Variants in GTF2E2 observed in about 807,000 individuals in gnomAD.
The protein encoded by GTF2E2 is transcription initiation factor IIE subunit beta.
In GTF2E2, 21 loss-of-function variants were observed where a neutral mutation model predicts 40.5. That is an observed-to-expected ratio of 0.52 (90% CI 0.37 to 0.75). GTF2E2 has a LOEUF of 0.75. Ranked by LOEUF, GTF2E2 falls within the 30% of genes least tolerant of loss-of-function variation. GTF2E2 has a pLI of 0.00. For missense variants in GTF2E2, 298 were observed against 338.4 expected (o/e 0.88, Z 0.94); for synonymous variants, 117 against 121.6 (o/e 0.96, Z 0.25).
intron 6 of GTF2E2, among the ~76,000 whole-genome samples, chr8:30,599,993 A>C (rs569106184): frequency 1.3e-5 from 2 of 152,296 alleles, no homozygotes; most frequent in African/African-American, 4.8e-5. Flanking sequence ...AAAAATAAAT[A>C]AATAAATAAT....
intron 6 of GTF2E2, among the ~76,000 whole-genome samples, chr8:30,590,255 G>C (rs772300292): frequency 1.3e-5 from 2 of 152,160 alleles, no homozygotes; most frequent in African/African-American, 4.8e-5. Context: ...CATGTTGTTG[G>C]AATGTCAGTC....
In GTF2E2 at chr8:30,642,348, A is replaced by G. The variant is rs1379131025; in HGVS notation, c.167-7225T>C. Among the ~76,000 whole-genome samples the G allele has an allele frequency of 1.8e-4, 27 of 151,826 alleles. No homozygotes were observed. The East Asian group carries it at 5.2e-3, about 29-fold the overall frequency. On this transcript the variant is annotated intron_variant, in intron 2 of 7. Coordinates refer to ENST00000355904, the MANE Select transcript of GTF2E2 (RefSeq NM_002095.6). ...AAGAATGGTTACTCCATACTACTCCATAAGCAGGAATAAAAGAATGGTTAC... is the reference window on the plus strand; with the variant it reads ...AAGAATGGTTACTCCATACTACTCCGTAAGCAGGAATAAAAGAATGGTTAC...
intron 7 of GTF2E2, 36 bp from the exon 8 acceptor site, chr8:30,579,073 C>G (rs1313377080): frequency 9.3e-7 from 1 of 1,074,334 alleles, no homozygotes; most frequent in Non-Finnish European, 1.5e-6. Flanking sequence ...GAAACAACAG[C>G]TGCTCTGAGG....
At chr8:30,622,672 C>A (rs1563493697) in intron 3 of GTF2E2, among the ~76,000 whole-genome samples, 1 of 152,158 alleles carries the variant, frequency 6.6e-6, no homozygotes, top group East Asian at 1.9e-4. Flanking sequence ...TACAGCTCGA[C>A]CATAGAAGAT....
At chr8:30,650,325 A>G (rs1802229362) in intron 2 of GTF2E2, among the ~76,000 whole-genome samples, 1 of 152,182 alleles carries the variant, frequency 6.6e-6, no homozygotes, top group South Asian at 2.1e-4. Flanking sequence ...TTAATAGACT[A>G]AAGAGTGAGA....
At chr8:30,586,842 T>C (rs1828701286) in intron 6 of GTF2E2, among the ~76,000 whole-genome samples, 1 of 152,176 alleles carries the variant, frequency 6.6e-6, no homozygotes, top group Non-Finnish European at 1.5e-5. Context: ...TCTCACACCA[T>C]ATAGAAAAAT....
At chr8:30,613,465 G>A (rs995121643) in intron 4 of GTF2E2, among the ~76,000 whole-genome samples, 1 of 152,172 alleles carries the variant, frequency 6.6e-6, no homozygotes, top group African/African-American at 2.4e-5. Context: ...ATTTTCTTCT[G>A]CAGCTGCCAG....
intron 6 of GTF2E2, among the ~76,000 whole-genome samples, chr8:30,583,728 T>C (rs1390369065): frequency 6.6e-6 from 1 of 152,224 alleles, no homozygotes; most frequent in Admixed American, 6.5e-5. Flanking sequence ...TGGATATTAC[T>C]GTACAGATTT....
Position 30,590,700 on chromosome 8 carries a change from T to C in GTF2E2, c.644-10304A>G, listed in dbSNP as rs528796698. On this transcript the variant is annotated intron_variant, in intron 6 of 7. Coordinates refer to ENST00000355904, the MANE Select transcript of GTF2E2 (RefSeq NM_002095.6). Reference sequence around the variant, plus strand: ...ACTTGATTGAAATCAAAAACTTTTTTTTTTTTTTGAGACAGAGTTGCACTC... The same window carrying C: ...ACTTGATTGAAATCAAAAACTTTTTCTTTTTTTTGAGACAGAGTTGCACTC... Among the ~76,000 whole-genome samples the C allele has an allele frequency of 2.0e-5, 3 of 152,142 alleles. No individual in the cohort carries two copies. In the East Asian group the frequency reaches 5.8e-4, roughly 29 times the overall value.
At chr8:30,613,917 C>T (rs897486157) in intron 4 of GTF2E2, among the ~76,000 whole-genome samples, 2 of 152,194 alleles carry the variant, frequency 1.3e-5, no homozygotes, top group Admixed American at 1.3e-4. Context: ...TGTTCATACA[C>T]AGCATTCGCG....
At chr8:30,595,082 A>C (rs1475030309) in intron 6 of GTF2E2, among the ~76,000 whole-genome samples, 1 of 152,068 alleles carries the variant, frequency 6.6e-6, no homozygotes, top group African/African-American at 2.4e-5. Flanking sequence ...TTTTATCTCC[A>C]CTATTGGCTT....
chr8:30,614,383 C>T (rs1253346848), intron 4 of GTF2E2, among the ~76,000 whole-genome samples: 1 of 152,118 alleles, frequency 6.6e-6, no homozygotes, highest in Non-Finnish European at 1.5e-5. Context: ...AGTTCAACAC[C>T]AGCCTGGCCA....
chr8:30,613,436 A>G (rs1399425590), intron 4 of GTF2E2, among the ~76,000 whole-genome samples: 2 of 152,242 alleles, frequency 1.3e-5, no homozygotes, highest in South Asian at 2.1e-4. Flanking sequence ...AAAGCTCTTC[A>G]AAAAGAGCAA....
At chr8:30,626,027 A>G (rs948488038) in intron 3 of GTF2E2, among the ~76,000 whole-genome samples, 1 of 152,138 alleles carries the variant, frequency 6.6e-6, no homozygotes, top group African/African-American at 2.4e-5. Context: ...ACATCCTCCA[A>G]CCTTCCTTCA....
chr8:30,646,172 A>G (rs1324171319), intron 2 of GTF2E2: 2 of 152,282 alleles, frequency 1.3e-5, no homozygotes, highest in Non-Finnish European at 2.9e-5. Flanking sequence ...TATTTGCACA[A>G]AATTCTCACA....
At chr8:30,643,821 A>G (rs538510933) in intron 2 of GTF2E2, 1 of 152,262 alleles carries the variant, frequency 6.6e-6, no homozygotes, top group South Asian at 2.1e-4. Flanking sequence ...AAGAAAAAAA[A>G]AAAAGTACAT....
chr8:30,589,607 T>A (rs1252842242), intron 6 of GTF2E2, among the ~76,000 whole-genome samples: 2 of 152,230 alleles, frequency 1.3e-5, no homozygotes, highest in Non-Finnish European at 2.9e-5. Context: ...GGCAGGATTA[T>A]AAAGACAAGT....
intron 6 of GTF2E2, among the ~76,000 whole-genome samples, chr8:30,604,484 C>A (rs1829266158): frequency 6.6e-6 from 1 of 152,190 alleles, no homozygotes; most frequent in East Asian, 1.9e-4. Flanking sequence ...ACATTTGCTT[C>A]AGCATTGTTA....
At chr8:30,637,823 C>T (rs1801661030) in intron 2 of GTF2E2, among the ~76,000 whole-genome samples, 1 of 152,162 alleles carries the variant, frequency 6.6e-6, no homozygotes, top group African/African-American at 2.4e-5. Context: ...TCCCAGCCTT[C>T]ATCTATAATT....
Sources: gnomAD v4.1 joint callset for allele counts (sites outside exome capture counted in the v4.1 genomes callset) on GRCh38, gnomAD v4.1.1 for gene constraint, MANE v1.5 for transcripts, NCBI Gene and HGNC (gene_info 2026-07-23, HGNC 2026-07-21) for gene names.